Variants in EHBP1 observed in about 807,000 individuals in gnomAD.
EHBP1 encodes the protein EH domain-binding protein 1.
Under a neutral mutation model 144.0 loss-of-function variants are expected in EHBP1, and 55 were observed. The observed-to-expected ratio is 0.38, with a 90% CI of 0.31 to 0.48. The LOEUF (loss-of-function observed/expected upper bound fraction) is 0.48. Ranked by LOEUF, EHBP1 falls within the 20% of genes least tolerant of loss-of-function variation. The pLI, the probability that EHBP1 is intolerant of heterozygous loss-of-function variation, is 0.98. For synonymous variants in EHBP1, 469 were observed against 472.7 expected (o/e 0.99, Z 0.10); for missense variants, 1,200 against 1,364.2 (o/e 0.88, Z 1.90).
chr2:62,901,385 T>C (rs1478453369), intron 10 of EHBP1, among the ~76,000 whole-genome samples: 2 of 152,172 alleles, frequency 1.3e-5, no homozygotes, highest in East Asian at 1.9e-4. Context: ...TAGTATATTA[T>C]AGCTGTAGTT....
chr2:62,739,553 C>T (rs1261033782), intron 2 of EHBP1, among the ~76,000 whole-genome samples: 1 of 151,878 alleles, frequency 6.6e-6, no homozygotes, highest in Admixed American at 6.6e-5. Context: ...TACTGTAAAA[C>T]AATAAAGTAT....
intron 7 of EHBP1, among the ~76,000 whole-genome samples, chr2:62,833,795 A>G (rs1390524546): frequency 6.6e-6 from 1 of 152,218 alleles, no homozygotes; most frequent in Non-Finnish European, 1.5e-5. Flanking sequence ...TGTAGCTGTC[A>G]TAGGTAGTGA....
Position 62,943,843 on chromosome 2 carries a change from A to G in EHBP1, c.1406A>G (p.Asn469Ser), listed in dbSNP as rs1422306908. The G allele has an allele frequency of 6.2e-7, 1 of 1,604,298 alleles. No individual in the cohort carries two copies. Among genetic ancestry groups the G allele is most frequent in the Non-Finnish European group, 8.5e-7 (1 of 1,173,872 alleles). The change falls in exon 12 of 23, where the codon AAC (asparagine) becomes AGC (serine). Residue 469 changes from asparagine to serine, a missense_variant. This residue lies in a region of EHBP1 where 94 missense variants were observed against 143.0 expected (regional missense o/e 0.66). Coordinates refer to ENST00000431489, the MANE Select transcript of EHBP1 (RefSeq NM_001142616.3). ...SLNPQDIKEN[N>S]KKAYDGFASI... is the part of the protein sequence containing the mutation. ...AATCCTCAAGATATTAAAGAGAACA[A>G]CAAAAAGGTAAGAATTGATGAGCAA...
At chr2:62,776,194 T>A (rs531507063) in intron 5 of EHBP1, among the ~76,000 whole-genome samples, 60 of 152,334 alleles carry the variant, frequency 3.9e-4, no homozygotes, top group African/African-American at 1.4e-3. Flanking sequence ...AATGCTATTT[T>A]CATTTTATTG....
At chr2:62,978,892 C>G (rs2058833738) in intron 14 of EHBP1, among the ~76,000 whole-genome samples, 1 of 152,154 alleles carries the variant, frequency 6.6e-6, no homozygotes, top group African/African-American at 2.4e-5. Context: ...TTTCTGTAAG[C>G]TGGATTCTTT....
rs556722586 is a variant in EHBP1 at position 62,804,886 on chromosome 2, C to T, written c.313-21201C>T. ...GTGCATGCAAGGGATCTAGGTTGCA[C>T]GCTCCTTATGAGAATCTAATGCCTG... is the stretch of plus-strand genomic sequence containing the variant. On this transcript the variant is annotated intron_variant, in intron 5 of 22. Coordinates refer to ENST00000431489, the MANE Select transcript of EHBP1 (RefSeq NM_001142616.3). Among the ~76,000 whole-genome samples, 12 of 152,204 alleles carry T rather than the reference C, an allele frequency of 7.9e-5. No individual in the cohort carries two copies. The East Asian group carries it at 1.9e-3, about 24-fold the overall frequency.
chr2:62,886,366 A>T (rs1479467669), intron 10 of EHBP1, among the ~76,000 whole-genome samples: 1 of 152,250 alleles, frequency 6.6e-6, no homozygotes, highest in East Asian at 1.9e-4. Context: ...AAGAAAATTT[A>T]AAATGCCAAG....
At chr2:62,723,713 AT>A (rs2036461482) in intron 2 of EHBP1, among the ~76,000 whole-genome samples, 1 of 152,154 alleles carries the variant, frequency 6.6e-6, no homozygotes, top group African/African-American at 2.4e-5. Context: ...TGTGGAAAGG[AT>A]TTTATTTCTC....
At chr2:62,685,150 A>G (rs2151736347) in intron 1 of EHBP1, among the ~76,000 whole-genome samples, 1 of 152,370 alleles carries the variant, frequency 6.6e-6, no homozygotes, top group Middle Eastern at 3.4e-3. Context: ...ACATTATAAT[A>G]TCACTAAGAG....
At chr2:62,898,955 C>A (rs921951022) in intron 10 of EHBP1, among the ~76,000 whole-genome samples, 1 of 152,160 alleles carries the variant, frequency 6.6e-6, no homozygotes, top group Non-Finnish European at 1.5e-5. Context: ...AGAATATGCA[C>A]CTACACGCAG....
rs967035944 is a variant in EHBP1, at chr2:62,817,856, CTT to C, written c.313-8229_313-8228del. ...CCAGATTATGAGCAGCTCCTCAACT[CTT>C]TCACTTATTTGTTCCTTGATTCGTG... On this transcript the variant is annotated intron_variant, in intron 5 of 22. Transcript: ENST00000431489. 7.2e-5 allele frequency among the ~76,000 whole-genome samples: 11 copies of C among 152,176 alleles called. No individual in the cohort carries two copies. The South Asian group carries it at 1.5e-3, about 20-fold the overall frequency.
intron 10 of EHBP1, chr2:62,939,900 G>A: frequency 5.4e-6 from 1 of 184,986 alleles, no homozygotes; most frequent in East Asian, 1.6e-4. Flanking sequence ...ATGGCTGTTG[G>A]CTCTCTCCAA....
chr2:62,870,297 A>G (rs1225037001), intron 9 of EHBP1, among the ~76,000 whole-genome samples: 1 of 152,338 alleles, frequency 6.6e-6, no homozygotes, highest in Non-Finnish European at 1.5e-5. Flanking sequence ...GAATGTTAAC[A>G]AAGTAGAGAA....
intron 5 of EHBP1, among the ~76,000 whole-genome samples, chr2:62,789,142 A>G (rs1239177937): frequency 1.3e-5 from 2 of 152,234 alleles, no homozygotes; most frequent in Non-Finnish European, 2.9e-5. Context: ...AAGAACAGAT[A>G]GTATGGAGTA....
intron 20 of EHBP1, among the ~76,000 whole-genome samples, chr2:63,038,169 G>A (rs985425124): frequency 6.6e-6 from 1 of 152,048 alleles, no homozygotes; most frequent in Non-Finnish European, 1.5e-5. Context: ...TTCACCGGAG[G>A]ACTTAAGCAC....
intron 2 of EHBP1, among the ~76,000 whole-genome samples, chr2:62,726,037 C>T (rs1260878948): frequency 6.6e-6 from 1 of 152,014 alleles, no homozygotes; most frequent in Non-Finnish European, 1.5e-5. Context: ...TTGGGCTGGC[C>T]TTGTCTGATG....
chr2:62,736,811 T>C (rs939625546), intron 2 of EHBP1, among the ~76,000 whole-genome samples: 75 of 152,238 alleles, frequency 4.9e-4, no homozygotes, highest in Non-Finnish European at 1.5e-4. Flanking sequence ...GGTCTAAGTA[T>C]TCCAGTATCC....
At chr2:62,934,264 A>G (rs2056213503) in intron 10 of EHBP1, among the ~76,000 whole-genome samples, 1 of 152,206 alleles carries the variant, frequency 6.6e-6, no homozygotes, top group Admixed American at 6.5e-5. Context: ...ACTTCTTAAA[A>G]TTTCGGCCTT....
At chr2:62,897,788 C>T (rs2053061936) in intron 10 of EHBP1, among the ~76,000 whole-genome samples, 1 of 152,152 alleles carries the variant, frequency 6.6e-6, no homozygotes, top group Non-Finnish European at 1.5e-5. Flanking sequence ...CATGCAGTTG[C>T]TCAGGAAGAA....
Sources: gnomAD v4.1 joint callset for allele counts (sites outside exome capture counted in the v4.1 genomes callset) on GRCh38, gnomAD v4.1.1 for gene constraint, gnomAD v4.1.1 regional missense constraint, MANE v1.5 for transcripts, NCBI Gene and HGNC (gene_info 2026-07-23, HGNC 2026-07-21) for gene names.